Variants in CMTM4 observed in about 807,000 individuals in gnomAD.
The protein encoded by CMTM4 is CKLF like MARVEL transmembrane domain containing 4, also known as CKLF-like MARVEL transmembrane domain-containing protein 4.
A neutral mutation model predicts 19.0 loss-of-function variants in CMTM4; 8 were observed. The ratio of observed to expected loss-of-function variants is 0.42; its 90% CI spans 0.25 to 0.76. The LOEUF (loss-of-function observed/expected upper bound fraction) is 0.76, where lower values mean the gene tolerates loss of function less well. Ranked by LOEUF, CMTM4 falls within the 30% of genes least tolerant of loss-of-function variation. The pLI, the probability that CMTM4 is intolerant of heterozygous loss-of-function variation, is 0.27. For missense variants in CMTM4, 228 were observed against 290.2 expected (o/e 0.79, Z 1.56); for synonymous variants, 106 against 121.1 (o/e 0.88, Z 0.82).
At chr16:66,673,986 G>A (rs562357768) in intron 1 of CMTM4, among the ~76,000 whole-genome samples, 2 of 152,338 alleles carry the variant, frequency 1.3e-5, no homozygotes, top group African/African-American at 4.8e-5. Context: ...TCAGAGCAAG[G>A]CAGCCAGTGC....
At chr16:66,642,646 G>A (rs1459225283) in intron 1 of CMTM4, among the ~76,000 whole-genome samples, 1 of 152,124 alleles carries the variant, frequency 6.6e-6, no homozygotes, top group African/African-American at 2.4e-5. Flanking sequence ...AACCCTGGAG[G>A]TAGAGTTTGC....
intron 1 of CMTM4, among the ~76,000 whole-genome samples, chr16:66,653,812 C>A (rs1432938328): frequency 6.6e-6 from 1 of 152,172 alleles, no homozygotes; most frequent in African/African-American, 2.4e-5. Context: ...CGGCTCACTG[C>A]AACCTCTGCC....
Position 66,662,156 on chromosome 16 carries a change from G to A in CMTM4, c.187-25575C>T, listed in dbSNP as rs1256663302. On this transcript the variant is annotated intron_variant, in intron 1 of 3. Coordinates refer to ENST00000394106, the MANE Select transcript of CMTM4 (RefSeq NM_181521.3). ...ATTTGGAATTCCAGTTCCAGTTAAT[G>A]AAGTAGGTACACTCCAGCCTGTCTG... Among the ~76,000 whole-genome samples the A allele has an allele frequency of 3.3e-5, 5 of 152,168 alleles. No homozygotes were observed. The South Asian group carries it at 6.2e-4, about 19-fold the overall frequency.
chr16:66,676,412 T>C (rs1377343126), intron 1 of CMTM4, among the ~76,000 whole-genome samples: 2 of 152,026 alleles, frequency 1.3e-5, no homozygotes, highest in East Asian at 3.9e-4. Flanking sequence ...ACAGAAAGGA[T>C]CAAACCTCCA....
chr16:66,690,816 A>C (rs1196065892), intron 1 of CMTM4, among the ~76,000 whole-genome samples: 1 of 152,222 alleles, frequency 6.6e-6, no homozygotes, highest in Non-Finnish European at 1.5e-5. Flanking sequence ...TTGCATTTAA[A>C]CATTTCCAGG....
chr16:66,690,735 A>G (rs1356834481), intron 1 of CMTM4, among the ~76,000 whole-genome samples: 1 of 152,198 alleles, frequency 6.6e-6, no homozygotes, highest in Non-Finnish European at 1.5e-5. Context: ...AGTCATTACT[A>G]CCCATACTGT....
At chr16:66,606,258 A>C in the CMTM4 span, among the ~76,000 whole-genome samples, 1 of 152,062 alleles carries the variant, frequency 6.6e-6, no homozygotes, top group African/African-American at 2.4e-5. Context: ...ACAGAAACAG[A>C]GAGAGGAAGT....
intron 1 of CMTM4, among the ~76,000 whole-genome samples, chr16:66,693,444 T>C: frequency 6.6e-6 from 1 of 152,242 alleles, no homozygotes; most frequent in East Asian, 1.9e-4. Context: ...TATTTCTTGA[T>C]GGATTCTGAG....
Position 66,619,521 on chromosome 16 carries a change from A to C in CMTM4, c.*2537T>G. The C allele has an allele frequency of 1.0e-6, 1 of 985,416 alleles. No individual in the cohort carries two copies. The highest frequency in any genetic ancestry group is 1.2e-6 in the Non-Finnish European group (1 of 829,934). 61.0% of individuals were successfully genotyped at this position (985,416 alleles called of 1,614,324 possible). On this transcript the variant is annotated 3_prime_UTR_variant, in exon 4 of 4. Transcript: ENST00000394106. ...CCTATTGAAACTATTAAACGCAAAA[A>C]CGCTTCCTTCAATTTGCCAAGAGGT...
chr16:66,683,896 G>A lies in CMTM4; in HGVS notation c.186+12444C>T, dbSNP rs79098081. On this transcript the variant is annotated intron_variant, in intron 1 of 3. Coordinates refer to ENST00000394106, the MANE Select transcript of CMTM4 (RefSeq NM_181521.3). The stretch of plus-strand genomic sequence containing the variant: ...CTCTGAGCCTATTCCGGTGCAGGAG[G>A]CTGCCTAATTTAAAAAATAAAAATA... 0.01 allele frequency among the ~76,000 whole-genome samples: 1,528 copies of A among 152,202 alleles called. 76 individuals carry two copies. In the East Asian group the frequency reaches 0.15, roughly 15 times the overall value.
chr16:66,667,687 A>T (rs916492361), intron 1 of CMTM4, among the ~76,000 whole-genome samples: 3 of 152,214 alleles, frequency 2.0e-5, no homozygotes, highest in Non-Finnish European at 2.9e-5. Context: ...CAGAAGCTCA[A>T]GACCAGCCTG....
intron 1 of CMTM4, among the ~76,000 whole-genome samples, chr16:66,655,799 G>A (rs1218986888): frequency 6.6e-6 from 1 of 152,058 alleles, no homozygotes; most frequent in East Asian, 1.9e-4. Context: ...GGCCAAATCT[G>A]AGACAACTTG....
intron 1 of CMTM4, among the ~76,000 whole-genome samples, chr16:66,690,833 G>A (rs557892306): frequency 2.0e-5 from 3 of 152,244 alleles, no homozygotes; most frequent in East Asian, 1.9e-4. Context: ...CAGGCCAGGC[G>A]CAGTGGCTCA....
intron 1 of CMTM4, among the ~76,000 whole-genome samples, chr16:66,675,086 A>T (rs1312726824): frequency 6.9e-6 from 1 of 144,222 alleles, no homozygotes; most frequent in Non-Finnish European, 1.5e-5. Context: ...TTTTTTTTTT[A>T]ATTTTTTTTT....
intron 1 of CMTM4, among the ~76,000 whole-genome samples, chr16:66,688,962 A>G (rs1426218682): frequency 6.6e-6 from 1 of 152,178 alleles, no homozygotes; most frequent in Non-Finnish European, 1.5e-5. Flanking sequence ...TAGGATATAA[A>G]AATACTATTG....
the CMTM4 span, chr16:66,608,178 C>A: frequency 1.1e-6 from 1 of 941,768 alleles, no homozygotes; most frequent in Non-Finnish European, 1.6e-6. The surrounding 1 kb of genome is among the most constrained non-coding windows in gnomAD (Gnocchi z 5.1). Flanking sequence ...CACTTCCCAG[C>A]TGCGGGACTG....
rs772076894 is a variant in CMTM4, at chr16:66,636,413, T to C, written c.355A>G (p.Asn119Asp). 1 of 1,614,026 alleles carries C rather than the reference T, an allele frequency of 6.2e-7. No individual in the cohort carries two copies. The part of the protein sequence containing the change: ...LHMRIPQINW[N>D]LTDLVNTGLS... ...TGGCCGCTTGTACTCACTGTCAGAT[T>C]CCAGTTGATCTGGGGGATCCTCATG... The change falls in exon 2 of 4, where the codon AAT (asparagine) becomes GAT (aspartate). Residue 119 changes from asparagine (N) to aspartate (D), a missense_variant. Physicochemically the swap from Asn to Asp is conservative, Grantham distance 23. Transcript: ENST00000394106.
intron 1 of CMTM4, among the ~76,000 whole-genome samples, chr16:66,669,417 A>G (rs2016661162): frequency 6.6e-6 from 1 of 152,012 alleles, no homozygotes; most frequent in African/African-American, 2.4e-5. Context: ...TGTGCATGCT[A>G]AAACTCATAG....
chr16:66,608,493 G>T, the CMTM4 span: 1 of 1,610,862 alleles, frequency 6.2e-7, no homozygotes. The surrounding 1 kb of genome is among the most constrained non-coding windows in gnomAD (Gnocchi z 5.1). Flanking sequence ...GGAGGGAGGG[G>T]TGCCCTGCAC....
Sources: allele counts gnomAD v4.1 joint callset (sites outside exome capture counted in the v4.1 genomes callset), GRCh38; gene constraint gnomAD v4.1.1; non-coding constraint Gnocchi (gnomAD v3.1); transcripts MANE v1.5; gene names NCBI Gene and HGNC (gene_info 2026-07-23, HGNC 2026-07-21).